RNF4: variants seen among roughly 807,000 people sequenced by gnomAD.
The protein encoded by RNF4 is ring finger protein 4.
A neutral mutation model predicts 24.3 loss-of-function variants in RNF4; 7 were observed. The observed-to-expected ratio is 0.29, with a 90% CI of 0.16 to 0.54. The LOEUF is 0.54. Ranked by LOEUF, RNF4 falls within the 20% of genes least tolerant of loss-of-function variation. The pLI, the probability that RNF4 is intolerant of heterozygous loss-of-function variation, is 0.95. For synonymous variants in RNF4, 83 were observed against 84.3 expected (o/e 0.98, Z 0.09); for missense variants, 209 against 248.5 (o/e 0.84, Z 1.07).
intron 2 of RNF4, 139 bp from the exon 3 acceptor site, chr4:2,496,868 A>C: frequency 1.7e-6 from 1 of 596,640 alleles, no homozygotes; most frequent in Non-Finnish European, 3.0e-6. Context: ...TTGAATCTCA[A>C]GTTTTGAAAG....
intron 3 of RNF4, among the ~76,000 whole-genome samples, chr4:2,499,070 G>T: frequency 6.6e-6 from 1 of 151,146 alleles, no homozygotes; most frequent in East Asian, 2.0e-4. Flanking sequence ...GGTGGCGGGC[G>T]CCTGTAATCC....
intron 1 of RNF4, among the ~76,000 whole-genome samples, chr4:2,483,642 A>G (rs1578503868): frequency 6.6e-6 from 1 of 151,934 alleles, no homozygotes; most frequent in African/African-American, 2.4e-5. Flanking sequence ...CATCTCTACT[A>G]AAAATACAAA....
At chr4:2,507,565 T>G (rs1736139491) in intron 4 of RNF4, among the ~76,000 whole-genome samples, 3 of 152,198 alleles carry the variant, frequency 2.0e-5, no homozygotes, top group Admixed American at 1.3e-4. Context: ...TAAAGTTGTC[T>G]AAAGCAAGTG....
rs1736290376 is a variant in RNF4, at chr4:2,512,283, C to G, written c.215-155C>G. 1.1e-6 allele frequency: 1 copy of G among 917,632 alleles called. No individual in the cohort carries two copies. The highest frequency in any genetic ancestry group is 2.1e-5 in the Admixed American group (1 of 46,686). 56.8% of individuals were successfully genotyped at this position (917,632 alleles called of 1,614,324 possible). On this transcript the variant is annotated intron_variant, in intron 5 of 7. Coordinates refer to ENST00000314289, the MANE Select transcript of RNF4 (RefSeq NM_002938.5). This position sits in a 1 kb window ranked among gnomAD's most constrained non-coding sequence, Gnocchi z 4.1. Reference sequence around the variant, plus strand: ...TAAGATAGTGGCCTCCAGAGCTGGGCAGAACCTTCTGGGTTATAGCTGAGC... The same window carrying G: ...TAAGATAGTGGCCTCCAGAGCTGGGGAGAACCTTCTGGGTTATAGCTGAGC...
chr4:2,475,280 C>T (rs1297858769), intron 1 of RNF4, among the ~76,000 whole-genome samples: 1 of 152,240 alleles, frequency 6.6e-6, no homozygotes, highest in South Asian at 2.1e-4. Flanking sequence ...ATCCTCTCAC[C>T]TCAGCCTCCC....
chr4:2,499,172 G>A (rs1384085692), intron 3 of RNF4, among the ~76,000 whole-genome samples: 1 of 152,142 alleles, frequency 6.6e-6, no homozygotes, highest in East Asian at 1.9e-4. Flanking sequence ...ACTCCTGCCT[G>A]GACGACAGAG....
In RNF4 at chr4:2,513,121, G is replaced by C. The variant is rs762033984; in HGVS notation, c.413G>C (p.Gly138Ala). The change falls in exon 7 of 8, where the codon GGA becomes GCA. Residue 138 changes from glycine (G) to alanine (A), a missense_variant. Gly to Ala is a moderately conservative substitution (Grantham distance 60). Around this residue, in one of 3 missense-constraint regions of RNF4, gnomAD observed 182 missense variants for 197.2 expected, o/e 0.92. Coordinates refer to ENST00000314289, the MANE Select transcript of RNF4 (RefSeq NM_002938.5). ...GTVSCPICMD[G>A]YSEIVQNGRL... is the part of the protein sequence containing the mutation. Reference sequence around the variant, plus strand: ...GTCAGTTGTCCCATCTGCATGGACGGATACTCAGAGGTAAGTAAACCAAGC... The same window carrying C: ...GTCAGTTGTCCCATCTGCATGGACGCATACTCAGAGGTAAGTAAACCAAGC... 2.2e-5 allele frequency: 36 copies of C among 1,613,664 alleles called. No homozygotes were observed. Among genetic ancestry groups the C allele is most frequent in the Non-Finnish European group, 9.3e-6 (11 of 1,179,712 alleles).
intron 1 of RNF4, chr4:2,469,699 G>C (rs1364396977): frequency 6.6e-6 from 1 of 152,344 alleles, no homozygotes; most frequent in Non-Finnish European, 1.5e-5. Flanking sequence ...CTGCGAGTTT[G>C]CCGGGGTGCG....
chr4:2,507,097 A>G (rs1260526771), intron 4 of RNF4, among the ~76,000 whole-genome samples: 1 of 152,148 alleles, frequency 6.6e-6, no homozygotes, highest in Non-Finnish European at 1.5e-5. Context: ...TAATGTATGA[A>G]TAAGTCACAC....
At chr4:2,487,216 C>A (rs181230842) in intron 1 of RNF4, among the ~76,000 whole-genome samples, 2 of 152,140 alleles carry the variant, frequency 1.3e-5, no homozygotes, top group African/African-American at 4.8e-5. Flanking sequence ...AGGTGATCCT[C>A]CTGTCTCAGC....
intron 1 of RNF4, among the ~76,000 whole-genome samples, chr4:2,481,700 T>C (rs563997096): frequency 6.6e-6 from 1 of 152,186 alleles, no homozygotes; most frequent in South Asian, 2.1e-4. Flanking sequence ...TTTTTTGACT[T>C]GCATGTGTGT....
chr4:2,478,589 G>T (rs2108751701), intron 1 of RNF4, among the ~76,000 whole-genome samples: 1 of 152,354 alleles, frequency 6.6e-6, no homozygotes, highest in Non-Finnish European at 1.5e-5. Context: ...TAGAACTCAG[G>T]CTGTGGTTTC....
intron 1 of RNF4, among the ~76,000 whole-genome samples, chr4:2,478,440 C>T (rs956344552): frequency 9.2e-5 from 14 of 152,234 alleles, no homozygotes; most frequent in African/African-American, 3.1e-4. Flanking sequence ...GCAGCCCCTC[C>T]CATCATAGGC....
chr4:2,497,993 C>G (rs1180619523), intron 3 of RNF4, among the ~76,000 whole-genome samples: 10 of 152,146 alleles, frequency 6.6e-5, no homozygotes, highest in African/African-American at 2.2e-4. Flanking sequence ...ATGGGCCCCC[C>G]AGGAGAAATG....
rs1326338789 is a variant in RNF4, at chr4:2,493,822, TG to T, written c.10-3181del. On this transcript the variant is annotated intron_variant, in intron 2 of 7. Coordinates refer to ENST00000314289, the MANE Select transcript of RNF4 (RefSeq NM_002938.5). ...GGACAAAGGACATTGTCAAAGAGAA[TG>T]GGGTAAATATTTTCATTTATTTATT... 2.7e-5 allele frequency among the ~76,000 whole-genome samples: 4 copies of T among 148,660 alleles called. 1 individual carries two copies. Among genetic ancestry groups the T allele is most frequent in the East Asian group, 2.0e-4 (1 of 5,012 alleles).
chr4:2,469,173 G>T lies in RNF4; in HGVS notation c.-243G>T, dbSNP rs990890418. 17 of 152,234 alleles carry T rather than the reference G, an allele frequency of 1.1e-4. No homozygotes were observed. The highest frequency in any genetic ancestry group is 1.9e-4 in the Non-Finnish European group (13 of 68,054). 9.4% of individuals were successfully genotyped at this position (152,234 alleles called of 1,614,324 possible). A position where few individuals can be genotyped will look rare whatever the true frequency, so the allele number is the denominator to read the frequency against. On this transcript the variant is annotated 5_prime_UTR_variant, in exon 1 of 8. In the 5' UTR this introduces an upstream ATG that the reference lacks. Transcript: ENST00000314289. ...GGAGCTCTCCTGGGCGGCTGAAGAA[G>T]GAGCTTCTTCTCCGGAGTGCGCCGG... is the stretch of plus-strand genomic sequence containing the variant.
At chr4:2,469,732 T>C (rs1404515467) in intron 1 of RNF4, 1 of 152,234 alleles carries the variant, frequency 6.6e-6, no homozygotes, top group East Asian at 1.9e-4. Context: ...CGGGGCCTTT[T>C]GTAGGTCGGG....
At chr4:2,483,243 C>T (rs1157105872) in intron 1 of RNF4, among the ~76,000 whole-genome samples, 1 of 152,140 alleles carries the variant, frequency 6.6e-6, no homozygotes, top group Non-Finnish European at 1.5e-5. Flanking sequence ...GATAGAGCTG[C>T]CTTCTGGGTG....
intron 1 of RNF4, among the ~76,000 whole-genome samples, chr4:2,471,295 T>C (rs973663516): frequency 3.3e-5 from 5 of 152,234 alleles, no homozygotes; most frequent in African/African-American, 9.6e-5. Context: ...ACATCTGTTA[T>C]AGTGACCTGT....
Sources: gnomAD v4.1 joint callset for allele counts (sites outside exome capture counted in the v4.1 genomes callset) on GRCh38, gnomAD v4.1.1 for gene constraint, gnomAD v4.1.1 regional missense constraint, Gnocchi (gnomAD v3.1) non-coding constraint, MANE v1.5 for transcripts, NCBI Gene and HGNC (gene_info 2026-07-23, HGNC 2026-07-21) for gene names.